The following TEKTL1 variants were observed in gnomAD, a reference collection of about 807,000 sequenced individuals.
TEKTL1 encodes the protein tektin-like protein 1.
At chr19:15,021,735 C>T in the TEKTL1 span, 60 of 1,612,874 alleles carry the variant, frequency 3.7e-5, 1 homozygote, top group East Asian at 1.2e-3. Flanking sequence ...TGAGAGCCTT[C>T]GGGGGTGGAG....
At chr19:15,016,774 T>C in the TEKTL1 span, among the ~76,000 whole-genome samples, 12 of 152,214 alleles carry the variant, frequency 7.9e-5, no homozygotes, top group Non-Finnish European at 1.6e-4. Context: ...CTGTCACAAC[T>C]ACTCAACTTG....
the TEKTL1 span, chr19:15,020,312 A>C: frequency 1.4e-6 from 1 of 719,530 alleles, no homozygotes; most frequent in Non-Finnish European, 2.3e-6. Flanking sequence ...TGTCTCAAAA[A>C]AAAAAAAAAA....
chr19:15,020,499 CA>C, the TEKTL1 span: 1 of 1,613,774 alleles, frequency 6.2e-7, no homozygotes, highest in Non-Finnish European at 8.5e-7. Flanking sequence ...ACTTCTGCTT[CA>C]AGGAGCGGCT....
chr19:15,013,483 A>G, the TEKTL1 span, among the ~76,000 whole-genome samples: 12 of 152,150 alleles, frequency 7.9e-5, no homozygotes, highest in Non-Finnish European at 1.3e-4. Context: ...CCGCCAAGTC[A>G]GAGAGCCCAC....
chr19:15,018,581 C>T, the TEKTL1 span, among the ~76,000 whole-genome samples: 8 of 149,930 alleles, frequency 5.3e-5, no homozygotes, highest in Non-Finnish European at 1.0e-4. Flanking sequence ...AGTGTGGTGG[C>T]ATGTGTCTGG....
chr19:15,010,943 G>A, the TEKTL1 span: 1 of 1,588,062 alleles, frequency 6.3e-7, no homozygotes, highest in Non-Finnish European at 8.6e-7. Context: ...CGATCGCTGC[G>A]GGCAGGAGGC....
chr19:15,014,236 T>G, the TEKTL1 span, among the ~76,000 whole-genome samples: 2 of 152,290 alleles, frequency 1.3e-5, no homozygotes, highest in African/African-American at 4.8e-5. Context: ...CAATGAGAAC[T>G]TCTTCATGAG....
the TEKTL1 span, among the ~76,000 whole-genome samples, chr19:15,018,566 T>C: frequency 6.7e-6 from 1 of 148,690 alleles, no homozygotes; most frequent in Non-Finnish European, 1.5e-5. Flanking sequence ...AAAAAATAAT[T>C]AGCCAGTGTG....
chr19:15,019,259 G>A, the TEKTL1 span, among the ~76,000 whole-genome samples: 7 of 152,160 alleles, frequency 4.6e-5, no homozygotes, highest in African/African-American at 1.7e-4. Context: ...TGAATGCAGT[G>A]ATTTTTTCAC....
chr19:15,014,265 A>G, the TEKTL1 span, among the ~76,000 whole-genome samples: 1 of 152,184 alleles, frequency 6.6e-6, no homozygotes, highest in African/African-American at 2.4e-5. Context: ...TTAAGGGGGA[A>G]GAGCAGCCAG....
chr19:15,011,161 C>T, the TEKTL1 span: 2 of 1,512,132 alleles, frequency 1.3e-6, no homozygotes, highest in African/African-American at 1.4e-5. Context: ...TGCCGCTACC[C>T]TTGCACCGCA....
chr19:15,010,846 G>T, the TEKTL1 span: 4 of 1,544,850 alleles, frequency 2.6e-6, no homozygotes, highest in Non-Finnish European at 3.5e-6. Flanking sequence ...TGGTACCCCC[G>T]GCTGAGCGCA....
At chr19:15,013,834 T>G in the TEKTL1 span, 1 of 1,045,480 alleles carries the variant, frequency 9.6e-7, no homozygotes. Flanking sequence ...GGCTGCCTAA[T>G]GGACAAACCA....
At chr19:15,013,722 A>G in the TEKTL1 span, 1 of 1,613,958 alleles carries the variant, frequency 6.2e-7, no homozygotes. Flanking sequence ...AGGAGCTGAA[A>G]AGCATGAAGA....
At chr19:15,011,774 C>T in the TEKTL1 span, among the ~76,000 whole-genome samples, 6 of 151,740 alleles carry the variant, frequency 4.0e-5, no homozygotes, top group African/African-American at 1.4e-4. Context: ...AGAGAACACC[C>T]AACTCCGGTG....
At chr19:15,011,066 G>A in the TEKTL1 span, 2 of 1,576,696 alleles carry the variant, frequency 1.3e-6, no homozygotes, top group Non-Finnish European at 8.6e-7. Flanking sequence ...GATCAAAGGC[G>A]GCGGCACCTT....
chr19:15,010,868 C>T, the TEKTL1 span: 1 of 1,555,494 alleles, frequency 6.4e-7, no homozygotes, highest in Non-Finnish European at 8.7e-7. Context: ...CCAGGACACA[C>T]GCGTTGGGGC....
At chr19:15,023,008 G>T in the TEKTL1 span, 1 of 1,612,702 alleles carries the variant, frequency 6.2e-7, no homozygotes, top group East Asian at 2.2e-5. Flanking sequence ...TGGTGCGCCT[G>T]CGCCTGCGCC....
the TEKTL1 span, among the ~76,000 whole-genome samples, chr19:15,019,548 A>G: frequency 6.6e-6 from 1 of 152,232 alleles, no homozygotes; most frequent in African/African-American, 2.4e-5. Flanking sequence ...AAGTAAAATA[A>G]TAAAGTAAAC....
Sources: gnomAD v4.1 joint callset for allele counts (sites outside exome capture counted in the v4.1 genomes callset) on GRCh38, gnomAD v4.1.1 for gene constraint, MANE v1.5 for transcripts, NCBI Gene and HGNC (gene_info 2026-07-23, HGNC 2026-07-21) for gene names.